The following ADGRD1 variants were observed in gnomAD, a reference collection of about 807,000 sequenced individuals.
ADGRD1 encodes the protein G-protein coupled receptor 133.
Under a neutral mutation model 113.4 loss-of-function variants are expected in ADGRD1, and 77 were observed. The observed-to-expected ratio is 0.68, with a 90% CI of 0.57 to 0.82. The LOEUF (loss-of-function observed/expected upper bound fraction) is 0.82, where lower values mean the gene tolerates loss of function less well. Among genes scored for constraint, ADGRD1 ranks in the 40% least tolerant of loss-of-function variants. The pLI is 0.00. For synonymous variants in ADGRD1, 474 were observed against 475.0 expected (o/e 1.00, Z 0.03); for missense variants, 1,036 against 1,139.1 (o/e 0.91, Z 1.30).
chr12:131,138,264 C>A, intron 24 of ADGRD1, 35 bp downstream of exon 24: 1 of 1,569,356 alleles, frequency 6.4e-7, no homozygotes. Flanking sequence ...GGGTCCCAGC[C>A]CATCCTCCTT....
chr12:130,995,117 G>A (rs117545222), intron 8 of ADGRD1, among the ~76,000 whole-genome samples: 2,085 of 152,368 alleles, frequency 0.014, 28 homozygotes, highest in Middle Eastern at 0.037. Context: ...GTGATAGGGT[G>A]TGGCCAGGCT....
chr12:130,987,846 G>A, intron 6 of ADGRD1: 1 of 178,696 alleles, frequency 5.6e-6, no homozygotes, highest in Admixed American at 5.3e-5. Context: ...AAAAACTGAG[G>A]TCAAATTCAT....
rs1369361026 is a variant in ADGRD1, at chr12:131,014,306, CTCCACTCATTACGG to C, written c.1445_1458del (p.Leu482ProfsTer8). 5.0e-6 allele frequency: 8 copies of C among 1,614,004 alleles called. No homozygotes were observed. Among genetic ancestry groups the C allele is most frequent in the African/African-American group, 1.3e-5 (1 of 74,942 alleles). ...ACCCTGTCTCAGAACCTGTCGGGCT[CTCCACTCATTACGG>C]TCCACCTCAAGCACAGATTGGTGAG... On this transcript the variant is annotated frameshift_variant, in exon 13 of 25. Coordinates refer to ENST00000261654, the MANE Select transcript of ADGRD1 (RefSeq NM_198827.5). LOFTEE classifies it high-confidence loss of function.
In ADGRD1 at chr12:131,003,347, C is replaced by A; in HGVS notation, c.1144+45C>A. On this transcript the variant is annotated intron_variant, in intron 10 of 24. Transcript: ENST00000261654. This position sits in a 1 kb window ranked among gnomAD's most constrained non-coding sequence, Gnocchi z 4.8. Reference sequence around the variant, plus strand: ...GTGAGCCACATGGCAGGGGCGGGGGCTGGAGGCTGCGTTTCACTGCCTGTC... The same window carrying A: ...GTGAGCCACATGGCAGGGGCGGGGGATGGAGGCTGCGTTTCACTGCCTGTC... The A allele has an allele frequency of 7.6e-7, 1 of 1,321,968 alleles. No individual in the cohort carries two copies. The highest frequency in any genetic ancestry group is 2.3e-5 in the East Asian group (1 of 43,534). The allele number at this position is 1,321,968 out of a possible 1,614,324, so 81.9% of individuals were successfully genotyped here.
chr12:131,078,254 G>T (rs1885799700), intron 14 of ADGRD1, among the ~76,000 whole-genome samples: 1 of 152,202 alleles, frequency 6.6e-6, no homozygotes, highest in African/African-American at 2.4e-5. Context: ...TCTGTTCTGT[G>T]AACAGCGAGG....
In ADGRD1 at chr12:130,992,399, C is replaced by A. The variant is rs1461365946; in HGVS notation, c.966+7C>A. 3.1e-6 allele frequency: 5 copies of A among 1,609,682 alleles called. No homozygotes were observed. The South Asian group carries it at 3.3e-5, about 11-fold the overall frequency. ...AGCCTTGAATCTCACCAAGGTAAGG[C>A]TATTTGATGTCTGTGTCTGGTGGAC... On this transcript the variant is annotated splice_region_variant and intron_variant, in intron 8 of 24. Transcript: ENST00000261654.
At chr12:131,069,295 G>A (rs1884970459) in intron 13 of ADGRD1, 1 of 152,184 alleles carries the variant, frequency 6.6e-6, no homozygotes. Context: ...TAACTCACCT[G>A]TGCTGAGTAA....
chr12:131,055,823 G>A (rs1267170043), intron 13 of ADGRD1, among the ~76,000 whole-genome samples: 1 of 152,216 alleles, frequency 6.6e-6, no homozygotes, highest in African/African-American at 2.4e-5. Context: ...ACTGTGGGCT[G>A]TCAGATTCCC....
At chr12:131,048,762 C>T (rs1466706880) in intron 13 of ADGRD1, among the ~76,000 whole-genome samples, 2 of 152,196 alleles carry the variant, frequency 1.3e-5, no homozygotes, top group Non-Finnish European at 1.5e-5. Context: ...CGTGGCCCTC[C>T]TGTGCACCAC....
chr12:131,132,271 A>G (rs1375569059), intron 21 of ADGRD1, among the ~76,000 whole-genome samples: 2 of 152,176 alleles, frequency 1.3e-5, no homozygotes, highest in Non-Finnish European at 2.9e-5. Context: ...GGAAGGTGCA[A>G]GGGAGAGCAG....
chr12:131,046,708 T>A (rs1235143952), intron 13 of ADGRD1, among the ~76,000 whole-genome samples: 2 of 134,174 alleles, frequency 1.5e-5, no homozygotes, highest in Non-Finnish European at 3.1e-5. Context: ...TCCTCCCTGG[T>A]GAGTGCTCCC....
intron 22 of ADGRD1, among the ~76,000 whole-genome samples, chr12:131,136,588 G>A (rs1048015913): frequency 3.9e-5 from 6 of 152,226 alleles, no homozygotes; most frequent in African/African-American, 1.4e-4. Flanking sequence ...CCAAGGAAGG[G>A]CAGGCATGGG....
At position 130,984,276 on chromosome 12, in the gene ADGRD1, A is replaced by C. The variant is rs1873359659; in HGVS notation, c.490+2213A>C. Among the ~76,000 whole-genome samples, 1 of 152,144 alleles carries C rather than the reference A, an allele frequency of 6.6e-6. No individual in the cohort carries two copies. The highest frequency in any genetic ancestry group is 2.4e-5 in the African/African-American group (1 of 41,440). On this transcript the variant is annotated intron_variant, in intron 5 of 24. Transcript: ENST00000261654. The surrounding 1 kb of genome is among the most constrained non-coding windows in gnomAD (Gnocchi z 4.1). ...AAAAGACTGGCAAGGCAGGCTCTTC[A>C]TCTCTCATGTTACTGATGGGGGAGG...
At chr12:131,004,713 C>T (rs1242339636) in intron 11 of ADGRD1, among the ~76,000 whole-genome samples, 1 of 152,176 alleles carries the variant, frequency 6.6e-6, no homozygotes, top group Non-Finnish European at 1.5e-5. Flanking sequence ...CCTTCCTGCT[C>T]AGGTAGCTGT....
intron 13 of ADGRD1, among the ~76,000 whole-genome samples, chr12:131,030,077 G>T (rs12815490): frequency 8.4e-6 from 1 of 119,142 alleles, no homozygotes; most frequent in African/African-American, 3.3e-5. Context: ...TTGTGGACCC[G>T]TCGTAGGTGA....
chr12:130,985,876 G>A (rs541217089), intron 5 of ADGRD1, among the ~76,000 whole-genome samples: 11 of 152,230 alleles, frequency 7.2e-5, no homozygotes, highest in Middle Eastern at 3.4e-3. Context: ...TTTTTGGAAC[G>A]TGGATATTCA....
chr12:130,954,089 C>G lies in ADGRD1; in HGVS notation c.-377C>G. Reference sequence around the variant, plus strand: ...AACCTGACTGAGACAAACGGAGGCTCTTGAAATAAAAAGAAAATACCGCAG... The same window carrying G: ...AACCTGACTGAGACAAACGGAGGCTGTTGAAATAAAAAGAAAATACCGCAG... On this transcript the variant is annotated 5_prime_UTR_variant, in exon 1 of 25. Transcript: ENST00000261654. This position sits in a 1 kb window ranked among gnomAD's most constrained non-coding sequence, Gnocchi z 4.7. The G allele has an allele frequency of 5.2e-6, 1 of 194,172 alleles. No individual in the cohort carries two copies. The highest frequency in any genetic ancestry group is 1.0e-5 in the Non-Finnish European group (1 of 96,880). 12.0% of individuals were successfully genotyped at this position (194,172 alleles called of 1,614,324 possible).
At chr12:131,135,369 G>C (rs1001191529) in intron 21 of ADGRD1, among the ~76,000 whole-genome samples, 1 of 152,186 alleles carries the variant, frequency 6.6e-6, no homozygotes, top group African/African-American at 2.4e-5. Context: ...AACGCATGCT[G>C]ATGGGGCTGG....
chr12:131,103,950 G>T (rs948775209), intron 15 of ADGRD1, among the ~76,000 whole-genome samples: 5 of 152,316 alleles, frequency 3.3e-5, no homozygotes, highest in African/African-American at 1.2e-4. Context: ...GCCTCCTGGA[G>T]CGCAGGGTCA....
Sources: gnomAD v4.1 joint callset for allele counts (sites outside exome capture counted in the v4.1 genomes callset) on GRCh38, gnomAD v4.1.1 for gene constraint, Gnocchi (gnomAD v3.1) non-coding constraint, MANE v1.5 for transcripts, NCBI Gene and HGNC (gene_info 2026-07-23, HGNC 2026-07-21) for gene names.